Variants in DLGAP3 observed in about 807,000 individuals in gnomAD.
DLGAP3 encodes the protein disks large-associated protein 3.
In DLGAP3, 17 loss-of-function variants were observed where a neutral mutation model predicts 81.2. The observed-to-expected ratio is 0.21, with a 90% CI of 0.14 to 0.31. The LOEUF (loss-of-function observed/expected upper bound fraction) is 0.31, where lower values mean the gene tolerates loss of function less well. Among genes scored for constraint, DLGAP3 ranks in the 10% least tolerant of loss-of-function variants. The pLI, the probability that DLGAP3 is intolerant of heterozygous loss-of-function variation, is 1.00. For missense variants in DLGAP3, 1,124 were observed against 1,388.0 expected, an observed-to-expected ratio of 0.81 and a Z score of 3.02; for synonymous variants, 577 against 587.4, an observed-to-expected ratio of 0.98 and a Z score of 0.26.
rs982329955 is a variant in DLGAP3 at position 34,899,804 on chromosome 1, T to C, written c.1314-63A>G. The stretch of plus-strand genomic sequence containing the variant: ...CTGCTAGGAGGTGGGGGAGGGGAGA[T>C]AATAGCACTGGGGCCCCTGAGTAAG... On this transcript the variant is annotated intron_variant, in intron 4 of 11. Coordinates refer to ENST00000373347, the MANE Select transcript of DLGAP3 (RefSeq NM_001080418.3). 2.0e-6 allele frequency: 3 copies of C among 1,496,930 alleles called. No individual in the cohort carries two copies. The African/African-American group carries it at 4.1e-5, about 21-fold the overall frequency. The allele number at this position is 1,496,930 out of a possible 1,614,324, so 92.7% of individuals were successfully genotyped here. A position where few individuals can be genotyped will look rare whatever the true frequency, so the allele number is the denominator to read the frequency against.
chr1:34,919,258 C>T (rs1221090886), intron 1 of DLGAP3, among the ~76,000 whole-genome samples: 8 of 152,224 alleles, frequency 5.3e-5, no homozygotes, highest in Admixed American at 5.2e-4. Context: ...CAAAGAGGAT[C>T]TTAGGCCTTG....
At chr1:34,901,064 G>A (rs1035609525) in intron 3 of DLGAP3, among the ~76,000 whole-genome samples, 2 of 152,148 alleles carry the variant, frequency 1.3e-5, no homozygotes, top group Non-Finnish European at 2.9e-5. Context: ...TCTGGGGAAA[G>A]GTGGTAGGGT....
chr1:34,865,778 G>C lies in DLGAP3; in HGVS notation c.*305C>G. ...GACCCGGCCCGGCCTGGCCCGTGGG[G>C]GAAAGAATGGCAGAGATGGTGCCCA... is the stretch of plus-strand genomic sequence containing the variant. On this transcript the variant is annotated 3_prime_UTR_variant, in exon 12 of 12. Coordinates refer to ENST00000373347, the MANE Select transcript of DLGAP3 (RefSeq NM_001080418.3). The C allele has an allele frequency of 2.2e-6, 1 of 459,776 alleles. No homozygotes were observed. The highest frequency in any genetic ancestry group is 2.1e-5 in the South Asian group (1 of 47,376). 28.5% of individuals were successfully genotyped at this position (459,776 alleles called of 1,614,324 possible).
intron 1 of DLGAP3, among the ~76,000 whole-genome samples, chr1:34,911,022 AC>A (rs58074971): frequency 0.48 from 62,933 of 132,160 alleles, 16,485 homozygotes; most frequent in South Asian, 0.59. Flanking sequence ...GATATTATCC[AC>A]CCCCCCCCCA....
chr1:34,879,050 C>T (rs1471717137), intron 8 of DLGAP3, among the ~76,000 whole-genome samples: 1 of 140,058 alleles, frequency 7.1e-6, no homozygotes, highest in Non-Finnish European at 1.5e-5. Flanking sequence ...CCACCCGGGG[C>T]GAGAGCGAGA....
intron 5 of DLGAP3, among the ~76,000 whole-genome samples, chr1:34,891,774 A>G (rs371257154): frequency 1.3e-5 from 2 of 152,234 alleles, no homozygotes; most frequent in Non-Finnish European, 2.9e-5. Context: ...CTATGCAGAT[A>G]TGGGGGAAAC....
Position 34,905,093 on chromosome 1 carries a change from G to T in DLGAP3, c.291C>A (p.Gly97=). 6.3e-7 allele frequency: 1 copy of T among 1,589,754 alleles called. No homozygotes were observed. Among genetic ancestry groups the T allele is most frequent in the Non-Finnish European group, 8.6e-7 (1 of 1,167,926 alleles). Residue 97 remains glycine (G), a synonymous_variant, in exon 3 of 12, where the codon GGC becomes GGA. Coordinates refer to ENST00000373347, the MANE Select transcript of DLGAP3 (RefSeq NM_001080418.3). ...CACAGTCTTCACAGGTGTCGAAGGG[G>T]CCCTGGCCAGGGTACATCCTGGGGA... ...STFPRMYPGQ[G]PFDTCEDCVG...
At chr1:34,880,509 T>A (rs962696566) in intron 8 of DLGAP3, among the ~76,000 whole-genome samples, 2 of 152,072 alleles carry the variant, frequency 1.3e-5, no homozygotes, top group Non-Finnish European at 2.9e-5. Context: ...GGCGGGCGGA[T>A]CACCTGAGGT....
intron 1 of DLGAP3, among the ~76,000 whole-genome samples, chr1:34,918,078 C>T (rs959153869): frequency 6.6e-6 from 1 of 152,188 alleles, no homozygotes; most frequent in Non-Finnish European, 1.5e-5. Flanking sequence ...AAATGAGGCA[C>T]AGGCAGAACC....
In DLGAP3 at chr1:34,905,178, G is replaced by C. The variant is rs375429909; in HGVS notation, c.206C>G (p.Pro69Arg). The C allele has an allele frequency of 1.8e-5, 29 of 1,579,018 alleles. No individual in the cohort carries two copies. In the African/African-American group the frequency reaches 3.5e-4, roughly 19 times the overall value. The change falls in exon 3 of 12, where the codon CCG becomes CGG. Residue 69 changes from proline (P) to arginine (R), a missense_variant. Transcript: ENST00000373347. ...PEGPLSLSEG[P>R]SVGPEGGPAG... Reference sequence around the variant, plus strand: ...TGGCCCTCCCTCAGGGCCTACCGACGGCCCCTCACTCAGGCTCAGGGGCCC... The same window carrying C: ...TGGCCCTCCCTCAGGGCCTACCGACCGCCCCTCACTCAGGCTCAGGGGCCC...
At chr1:34,892,162 G>A (rs1184525226) in intron 5 of DLGAP3, among the ~76,000 whole-genome samples, 1 of 152,188 alleles carries the variant, frequency 6.6e-6, no homozygotes, top group East Asian at 1.9e-4. Context: ...ACAACAAAGA[G>A]AGAGAGATTA....
chr1:34,912,124 A>T (rs1185044380), intron 1 of DLGAP3, among the ~76,000 whole-genome samples: 1 of 152,212 alleles, frequency 6.6e-6, no homozygotes, highest in Non-Finnish European at 1.5e-5. Context: ...GAATGATGTA[A>T]GGTTTAACAA....
intron 8 of DLGAP3, among the ~76,000 whole-genome samples, chr1:34,872,341 G>C (rs1638993545): frequency 6.6e-6 from 1 of 152,236 alleles, no homozygotes; most frequent in African/African-American, 2.4e-5. Context: ...GGCAGATGCA[G>C]ACTGCAGCAG....
chr1:34,886,255 C>T lies in DLGAP3; in HGVS notation c.1417G>A (p.Ala473Thr). ...LSDELNQQLE[A>T]VCGSVFGELE... is the part of the protein sequence containing the mutation. ...TCCCCAAACACCGACCCGCACACGG[C>T]CTCCAGCTGCTGGTTCAACTCATCG... Residue 473 changes from alanine (A) to threonine (T), a missense_variant, in exon 6 of 12, where the codon GCC becomes ACC. Ala to Thr is a moderately conservative substitution (Grantham distance 58). Coordinates refer to ENST00000373347, the MANE Select transcript of DLGAP3 (RefSeq NM_001080418.3). 1 of 1,605,384 alleles carries T rather than the reference C, an allele frequency of 6.2e-7. No homozygotes were observed. The highest frequency in any genetic ancestry group is 8.5e-7 in the Non-Finnish European group (1 of 1,175,932).
rs1167348186 is a variant in DLGAP3 at position 34,929,073 on chromosome 1, A to G, written c.-135+378T>C. Reference sequence around the variant, plus strand: ...CACGCACTCACATTCACACACCTGCAGAGGAAACTTCTCTCCGGATCTCCC... The same window carrying G: ...CACGCACTCACATTCACACACCTGCGGAGGAAACTTCTCTCCGGATCTCCC... On this transcript the variant is annotated intron_variant, in intron 1 of 11. Coordinates refer to ENST00000373347, the MANE Select transcript of DLGAP3 (RefSeq NM_001080418.3). This position sits in a 1 kb window ranked among gnomAD's most constrained non-coding sequence, Gnocchi z 6.5. Among the ~76,000 whole-genome samples the G allele has an allele frequency of 6.6e-6, 1 of 152,010 alleles. No homozygotes were observed. Among genetic ancestry groups the G allele is most frequent in the Non-Finnish European group, 1.5e-5 (1 of 67,960 alleles).
intron 2 of DLGAP3, among the ~76,000 whole-genome samples, chr1:34,906,032 ATTTG>A (rs1486501403): frequency 3.2e-5 from 4 of 126,510 alleles, no homozygotes; most frequent in Non-Finnish European, 5.2e-5. Context: ...ATATATATAT[ATTTG>A]TTTGTTTTTA....
chr1:34,876,350 C>T (rs1413037798), intron 8 of DLGAP3, among the ~76,000 whole-genome samples: 1 of 152,212 alleles, frequency 6.6e-6, no homozygotes, highest in African/African-American at 2.4e-5. Flanking sequence ...AGAGAAGAGA[C>T]CTTTCCTGCT....
intron 8 of DLGAP3, among the ~76,000 whole-genome samples, chr1:34,872,825 G>A (rs1287733806): frequency 6.6e-6 from 1 of 152,176 alleles, no homozygotes; most frequent in Admixed American, 6.5e-5. Context: ...GGGAAAAGGT[G>A]ACAAATGGAT....
At chr1:34,866,868 C>T (rs567336350) in intron 11 of DLGAP3, among the ~76,000 whole-genome samples, 180 bp downstream of exon 11, 3 of 152,330 alleles carry the variant, frequency 2.0e-5, no homozygotes, top group African/African-American at 2.4e-5. Context: ...GCCAAGCAGA[C>T]GGCAGTGGCC....
Sources: allele counts gnomAD v4.1 joint callset (sites outside exome capture counted in the v4.1 genomes callset), GRCh38; gene constraint gnomAD v4.1.1; non-coding constraint Gnocchi (gnomAD v3.1); transcripts MANE v1.5; gene names NCBI Gene and HGNC (gene_info 2026-07-23, HGNC 2026-07-21).